Variants in GALNTL6 observed in about 807,000 individuals in gnomAD.
GALNTL6 encodes the protein polypeptide N-acetylgalactosaminyltransferase-like 6.
Under a neutral mutation model 73.7 loss-of-function variants are expected in GALNTL6, and 46 were observed. The observed-to-expected ratio is 0.62, with a 90% confidence interval of 0.49 to 0.80. The LOEUF (loss-of-function observed/expected upper bound fraction) is 0.80, where lower values mean the gene tolerates loss of function less well. Ranked by LOEUF, GALNTL6 falls within the 30% of genes least tolerant of loss-of-function variation. The probability of loss-of-function intolerance (pLI) is 0.00; values close to 1 mark genes in which losing one functional copy is unlikely to be tolerated. For synonymous variants in GALNTL6, 259 were observed against 263.7 expected (o/e 0.98, Z 0.17); for missense variants, 604 against 755.0 (o/e 0.80, Z 2.34).
intron 2 of GALNTL6, among the ~76,000 whole-genome samples, chr4:172,150,452 G>T (rs1250155474): frequency 2.0e-5 from 3 of 152,166 alleles, no homozygotes; most frequent in Admixed American, 2.0e-4. Flanking sequence ...TGAGTTACAT[G>T]AGTAGAATGG....
intron 5 of GALNTL6, among the ~76,000 whole-genome samples, chr4:172,593,770 C>T (rs1301598535): frequency 2.6e-5 from 4 of 151,554 alleles, no homozygotes; most frequent in African/African-American, 9.7e-5. Flanking sequence ...GCTCTTGTTG[C>T]CCAGGCTGGA....
intron 2 of GALNTL6, among the ~76,000 whole-genome samples, chr4:171,830,784 C>A (rs1734947888): frequency 6.6e-6 from 1 of 152,052 alleles, no homozygotes; most frequent in African/African-American, 2.4e-5. Flanking sequence ...AGAAGACTGT[C>A]ACAGCCAAAT....
intron 5 of GALNTL6, among the ~76,000 whole-genome samples, chr4:172,734,235 T>G (rs575830263): frequency 3.9e-5 from 6 of 152,224 alleles, no homozygotes; most frequent in Non-Finnish European, 5.9e-5. Flanking sequence ...GATAAAAGTT[T>G]GAAAATTTTG....
chr4:171,955,969 T>C (rs996461773), intron 2 of GALNTL6, among the ~76,000 whole-genome samples: 1 of 151,306 alleles, frequency 6.6e-6, no homozygotes, highest in African/African-American at 2.4e-5. Flanking sequence ...ATTTATGTTC[T>C]TTTTAATAAA....
chr4:171,977,198 T>C (rs1739746497), intron 2 of GALNTL6, among the ~76,000 whole-genome samples: 1 of 152,210 alleles, frequency 6.6e-6, no homozygotes, highest in Non-Finnish European at 1.5e-5. Flanking sequence ...ATCCAAATTT[T>C]ATGCTGTGAC....
intron 2 of GALNTL6, among the ~76,000 whole-genome samples, chr4:172,038,129 C>CA (rs1048582194): frequency 7.6e-6 from 1 of 130,958 alleles, no homozygotes; most frequent in African/African-American, 2.6e-5. Context: ...AAAAAAAAAA[C>CA]AAAAAAATTT....
At chr4:171,986,504 A>G (rs1463732299) in intron 2 of GALNTL6, among the ~76,000 whole-genome samples, 1 of 152,086 alleles carries the variant, frequency 6.6e-6, no homozygotes, top group African/African-American at 2.4e-5. Flanking sequence ...ATAAAATGAA[A>G]TAGTGGTAAA....
chr4:172,544,013 G>T (rs1241019820), intron 5 of GALNTL6, among the ~76,000 whole-genome samples: 2 of 152,188 alleles, frequency 1.3e-5, no homozygotes, highest in East Asian at 3.9e-4. Context: ...AAATAGAGAA[G>T]TAAAGACATG....
intron 5 of GALNTL6, among the ~76,000 whole-genome samples, chr4:172,467,323 C>G (rs1475255725): frequency 6.6e-6 from 1 of 152,178 alleles, no homozygotes; most frequent in African/African-American, 2.4e-5. Flanking sequence ...AAAACACCAC[C>G]ATTTGTTTAG....
At chr4:172,833,090 TG>T (rs1742726132) in intron 7 of GALNTL6, among the ~76,000 whole-genome samples, 2 of 106,608 alleles carry the variant, frequency 1.9e-5, no homozygotes, top group African/African-American at 3.5e-5. Context: ...CGCTTGGGGG[TG>T]GGGGGTAGGG....
At chr4:172,634,516 C>T (rs1014715006) in intron 5 of GALNTL6, among the ~76,000 whole-genome samples, 42 of 152,212 alleles carry the variant, frequency 2.8e-4, no homozygotes, top group African/African-American at 9.9e-4. Flanking sequence ...TTCATTTCTT[C>T]TTATTTCTTA....
Position 172,809,142 on chromosome 4 carries a change from A to T in GALNTL6, c.554-219A>T, listed in dbSNP as rs184329395. 6.6e-6 allele frequency among the ~76,000 whole-genome samples: 1 copy of T among 152,240 alleles called. No individual in the cohort carries two copies. ...ATAACAGACCTCTGGCATGTCAGTG[A>T]CTTTTGTGTTCAAAAAAGGGCAATA... On this transcript the variant is annotated intron_variant, in intron 5 of 12. Coordinates refer to ENST00000506823, the MANE Select transcript of GALNTL6 (RefSeq NM_001034845.3). The surrounding 1 kb of genome is among the most constrained non-coding windows in gnomAD (Gnocchi z 4.4).
At chr4:171,847,527 G>A (rs1408868728) in intron 2 of GALNTL6, among the ~76,000 whole-genome samples, 1 of 152,092 alleles carries the variant, frequency 6.6e-6, no homozygotes, top group Non-Finnish European at 1.5e-5. Flanking sequence ...GATTTTTCTT[G>A]TAGCATGTGA....
intron 5 of GALNTL6, among the ~76,000 whole-genome samples, chr4:172,697,777 T>C (rs999979335): frequency 1.3e-5 from 2 of 152,182 alleles, no homozygotes; most frequent in African/African-American, 4.8e-5. Context: ...ACTAGATCTT[T>C]AGACTTACAA....
intron 9 of GALNTL6, among the ~76,000 whole-genome samples, chr4:172,948,702 C>A (rs915703828): frequency 6.7e-6 from 1 of 149,994 alleles, no homozygotes; most frequent in Admixed American, 6.7e-5. Context: ...AACACCTGAT[C>A]TTAGGTGATC....
At chr4:172,221,900 T>A (rs1043948669) in intron 2 of GALNTL6, among the ~76,000 whole-genome samples, 1 of 151,856 alleles carries the variant, frequency 6.6e-6, no homozygotes, top group Non-Finnish European at 1.5e-5. Flanking sequence ...CCTGGCACTT[T>A]CGGTTCATTT....
intron 5 of GALNTL6, among the ~76,000 whole-genome samples, chr4:172,632,120 C>G (rs1739421485): frequency 6.6e-6 from 1 of 152,284 alleles, no homozygotes; most frequent in East Asian, 1.9e-4. Flanking sequence ...ATCAATTAAA[C>G]CACTTTTCTT....
At chr4:172,823,370 T>G (rs1439146381) in intron 7 of GALNTL6, among the ~76,000 whole-genome samples, 1 of 152,236 alleles carries the variant, frequency 6.6e-6, no homozygotes, top group Non-Finnish European at 1.5e-5. Context: ...AACATCAGTA[T>G]TAGAATGTAA....
chr4:172,222,413 T>C (rs532464924), intron 2 of GALNTL6, among the ~76,000 whole-genome samples: 1 of 152,108 alleles, frequency 6.6e-6, no homozygotes, highest in Admixed American at 6.6e-5. Flanking sequence ...TAAGGAAATA[T>C]GTATAATAAA....
Sources: allele counts gnomAD v4.1 joint callset (sites outside exome capture counted in the v4.1 genomes callset), GRCh38; gene constraint gnomAD v4.1.1; non-coding constraint Gnocchi (gnomAD v3.1); transcripts MANE v1.5; gene names NCBI Gene and HGNC (gene_info 2026-07-23, HGNC 2026-07-21).